CAMTA1: variants seen among roughly 807,000 people sequenced by gnomAD.
CAMTA1 encodes calmodulin binding transcription activator 1.
A neutral mutation model predicts 170.9 loss-of-function variants in CAMTA1; 27 were observed. The ratio of observed to expected loss-of-function variants is 0.16; its 90% CI spans 0.12 to 0.22. The LOEUF (loss-of-function observed/expected upper bound fraction) is 0.22. Among genes scored for constraint, CAMTA1 ranks in the 10% least tolerant of loss-of-function variants. The pLI, the probability that CAMTA1 is intolerant of heterozygous loss-of-function variation, is 1.00. For synonymous variants in CAMTA1, 833 were observed against 891.5 expected, an observed-to-expected ratio of 0.93 and a Z score of 1.17; for missense variants, 1,619 against 2,217.2, an observed-to-expected ratio of 0.73 and a Z score of 5.42.
intron 6 of CAMTA1, among the ~76,000 whole-genome samples, chr1:7,468,384 G>A (rs1430427348): frequency 6.6e-6 from 1 of 152,226 alleles, no homozygotes; most frequent in African/African-American, 2.4e-5. Context: ...GATTTGTGAT[G>A]TCTGCTGTGG....
intron 6 of CAMTA1, among the ~76,000 whole-genome samples, chr1:7,539,767 A>AGGCAGGGCCAGAC (rs1198155991): frequency 6.6e-6 from 1 of 152,242 alleles, no homozygotes; most frequent in Admixed American, 6.5e-5. Context: ...AGACATAGGA[A>AGGCAGGGCCAGAC]GGCAGGGCCA....
At chr1:7,513,001 C>T (rs1394841136) in intron 6 of CAMTA1, among the ~76,000 whole-genome samples, 1 of 152,188 alleles carries the variant, frequency 6.6e-6, no homozygotes, top group Non-Finnish European at 1.5e-5. Context: ...AAAGGCTTGG[C>T]CTCCCACTGA....
At chr1:6,853,512 C>T (rs368434458) in intron 3 of CAMTA1, among the ~76,000 whole-genome samples, 68 of 151,988 alleles carry the variant, frequency 4.5e-4, no homozygotes, top group East Asian at 2.9e-3. Context: ...GAAGGCAAGA[C>T]GACCAAAAAC....
At chr1:7,039,369 A>G (rs1428220948) in intron 3 of CAMTA1, among the ~76,000 whole-genome samples, 1 of 152,230 alleles carries the variant, frequency 6.6e-6, no homozygotes, top group African/African-American at 2.4e-5. Context: ...CTTGAAGCAC[A>G]GGGGACAGAA....
At chr1:6,865,717 A>G (rs547630850) in intron 3 of CAMTA1, among the ~76,000 whole-genome samples, 70 of 152,342 alleles carry the variant, frequency 4.6e-4, no homozygotes, top group African/African-American at 1.7e-3. Context: ...TTCTCACAGC[A>G]ACTCTGTGAG....
At chr1:7,519,661 C>T (rs917592908) in intron 6 of CAMTA1, among the ~76,000 whole-genome samples, 1 of 151,792 alleles carries the variant, frequency 6.6e-6, no homozygotes, top group Non-Finnish European at 1.5e-5. Flanking sequence ...AGCTTCAGGC[C>T]GCATACACAG....
intron 11 of CAMTA1, among the ~76,000 whole-genome samples, chr1:7,689,973 C>T (rs2096292613): frequency 6.6e-6 from 1 of 152,132 alleles, no homozygotes; most frequent in Non-Finnish European, 1.5e-5. Flanking sequence ...GCTTGACCAA[C>T]ATGGTGAAAC....
At chr1:7,048,338 T>A (rs148352854) in intron 3 of CAMTA1, among the ~76,000 whole-genome samples, 98 of 152,136 alleles carry the variant, frequency 6.4e-4, no homozygotes, top group African/African-American at 2.3e-3. Flanking sequence ...AATTGGAAAG[T>A]CCAGGTAACT....
intron 5 of CAMTA1, among the ~76,000 whole-genome samples, chr1:7,365,040 C>G (rs1339200004): frequency 6.6e-6 from 1 of 152,244 alleles, no homozygotes; most frequent in Admixed American, 6.5e-5. Context: ...CAGAACACCT[C>G]CCATGACCTT....
chr1:6,908,974 C>T (rs1275129446), intron 3 of CAMTA1, among the ~76,000 whole-genome samples: 1 of 152,220 alleles, frequency 6.6e-6, no homozygotes, highest in Non-Finnish European at 1.5e-5. Context: ...AATTAAAAAG[C>T]ATCGAATCAA....
chr1:7,220,952 A>T (rs929369434), intron 4 of CAMTA1, among the ~76,000 whole-genome samples: 2 of 152,178 alleles, frequency 1.3e-5, no homozygotes, highest in Non-Finnish European at 2.9e-5. Context: ...AGCTGGGCCC[A>T]GGAGGTCTCC....
At position 7,657,584 on chromosome 1, in the gene CAMTA1, G is replaced by T. The variant is rs1387572892; in HGVS notation, c.665-4142G>T. On this transcript the variant is annotated intron_variant, in intron 7 of 22. Coordinates refer to ENST00000303635, the MANE Select transcript of CAMTA1 (RefSeq NM_015215.4). ...AAAAGGGGAAGGGGCCGAGGGGGCG[G>T]CCGGCATGCGTGGCTATTAACCTTC... 2.0e-5 allele frequency among the ~76,000 whole-genome samples: 3 copies of T among 152,172 alleles called. No homozygotes were observed. The East Asian group carries it at 5.8e-4, about 29-fold the overall frequency.
chr1:7,255,695 C>T (rs1043915419), intron 5 of CAMTA1, among the ~76,000 whole-genome samples: 3 of 152,126 alleles, frequency 2.0e-5, no homozygotes, highest in Non-Finnish European at 2.9e-5. Flanking sequence ...TATCTGGTAT[C>T]CAAATCTAAG....
chr1:7,143,081 C>G (rs1271950658), intron 4 of CAMTA1, among the ~76,000 whole-genome samples: 2 of 152,156 alleles, frequency 1.3e-5, no homozygotes, highest in Non-Finnish European at 2.9e-5. Flanking sequence ...TAAGTGCAGG[C>G]CCCTCCAGGG....
chr1:6,927,291 C>T (rs1683487284), intron 3 of CAMTA1, among the ~76,000 whole-genome samples: 1 of 152,068 alleles, frequency 6.6e-6, no homozygotes, highest in Non-Finnish European at 1.5e-5. Flanking sequence ...CGTCAGCCTC[C>T]CAACGCGCTG....
intron 5 of CAMTA1, among the ~76,000 whole-genome samples, chr1:7,391,998 T>C (rs898362399): frequency 1.3e-5 from 2 of 152,218 alleles, no homozygotes; most frequent in African/African-American, 4.8e-5. Flanking sequence ...CATCATACAT[T>C]TTTATTTCTC....
intron 5 of CAMTA1, among the ~76,000 whole-genome samples, chr1:7,301,539 C>T (rs1394408488): frequency 3.3e-5 from 5 of 152,024 alleles, no homozygotes; most frequent in Non-Finnish European, 5.9e-5. Context: ...GCCTTGGGCT[C>T]AGCCAGCCCC....
At chr1:7,191,171 C>T (rs1654450579) in intron 4 of CAMTA1, among the ~76,000 whole-genome samples, 1 of 152,170 alleles carries the variant, frequency 6.6e-6, no homozygotes, top group Non-Finnish European at 1.5e-5. Context: ...GCTTGTCAGC[C>T]ATCTCTATCA....
chr1:7,079,624 A>G (rs978210448), intron 3 of CAMTA1, among the ~76,000 whole-genome samples: 1 of 150,450 alleles, frequency 6.6e-6, no homozygotes, highest in Non-Finnish European at 1.5e-5. Context: ...GGCACACACC[A>G]TCACGCCTGG....
Sources: allele counts gnomAD v4.1 joint callset (sites outside exome capture counted in the v4.1 genomes callset), GRCh38; gene constraint gnomAD v4.1.1; transcripts MANE v1.5; gene names NCBI Gene and HGNC (gene_info 2026-07-23, HGNC 2026-07-21).